ANKFN1: variants seen among roughly 807,000 people sequenced by gnomAD.
ANKFN1 encodes ankyrin repeat and fibronectin type-III domain-containing protein 1.
ANKFN1 carries 74 observed loss-of-function variants against 108.7 expected under a neutral mutation model. That is an observed-to-expected ratio of 0.68 (90% CI 0.56 to 0.83). ANKFN1 has a LOEUF of 0.83. Among genes scored for constraint, ANKFN1 ranks in the 40% least tolerant of loss-of-function variants. The probability of loss-of-function intolerance (pLI) is 0.00; values close to 1 mark genes in which losing one functional copy is unlikely to be tolerated. For synonymous variants in ANKFN1, 547 were observed against 516.2 expected, an observed-to-expected ratio of 1.06 and a Z score of -0.81; for missense variants, 1,505 against 1,382.3, an observed-to-expected ratio of 1.09 and a Z score of -1.41.
intron 6 of ANKFN1, among the ~76,000 whole-genome samples, chr17:56,369,250 A>G (rs1384861689): frequency 6.6e-6 from 1 of 152,212 alleles, no homozygotes; most frequent in Non-Finnish European, 1.5e-5. Flanking sequence ...GGGTACAGGA[A>G]TGAACCTTCT....
chr17:56,202,872 A>C (rs1043811978), intron 1 of ANKFN1, among the ~76,000 whole-genome samples: 2 of 152,210 alleles, frequency 1.3e-5, no homozygotes, highest in African/African-American at 4.8e-5. Context: ...AAAAATCAAA[A>C]CTGTATTTAT....
chr17:56,162,670 C>G (rs908429207), intron 1 of ANKFN1, among the ~76,000 whole-genome samples: 2 of 152,232 alleles, frequency 1.3e-5, no homozygotes, highest in African/African-American at 4.8e-5. Flanking sequence ...GCTGTAACTG[C>G]ATGTTGTAAA....
At chr17:56,158,290 A>C (rs750195796) in intron 1 of ANKFN1, among the ~76,000 whole-genome samples, 10 of 152,186 alleles carry the variant, frequency 6.6e-5, no homozygotes, top group Non-Finnish European at 1.2e-4. Context: ...GTGGCATGAC[A>C]ATCCAGTTCC....
chr17:56,290,874 T>C (rs2044345037), intron 3 of ANKFN1, among the ~76,000 whole-genome samples: 1 of 152,028 alleles, frequency 6.6e-6, no homozygotes, highest in African/African-American at 2.4e-5. Flanking sequence ...CCTCCCCTCC[T>C]CTGAAAATTA....
intron 4 of ANKFN1, among the ~76,000 whole-genome samples, chr17:56,327,530 C>A (rs1348955456): frequency 6.6e-6 from 1 of 152,070 alleles, no homozygotes; most frequent in Admixed American, 6.5e-5. Context: ...TGAAGTTTTG[C>A]CTGGTGGAAA....
chr17:56,512,567 G>C lies in ANKFN1; in HGVS notation c.*1298G>C, dbSNP rs570484738. 6.6e-6 allele frequency among the ~76,000 whole-genome samples: 1 copy of C among 152,292 alleles called. No homozygotes were observed. The highest frequency in any genetic ancestry group is 2.1e-4 in the South Asian group (1 of 4,826). On this transcript the variant is annotated 3_prime_UTR_variant, in exon 21 of 21. Transcript: ENST00000682825. ...TTAGACAAATCACACTGCATATTCA[G>C]AAAAGGCACAAGTTTCCTCATCTCC...
chr17:56,174,607 C>T (rs1910961486), intron 1 of ANKFN1, among the ~76,000 whole-genome samples: 1 of 152,142 alleles, frequency 6.6e-6, no homozygotes. Context: ...GCTAAGGGTC[C>T]TATAATTAGA....
At chr17:56,329,652 G>C (rs574389884) in intron 4 of ANKFN1, among the ~76,000 whole-genome samples, 1 of 152,280 alleles carries the variant, frequency 6.6e-6, no homozygotes, top group East Asian at 1.9e-4. Flanking sequence ...GTAAAATGGA[G>C]ATAATAATAG....
chr17:56,192,079 C>T (rs1912992749), intron 1 of ANKFN1, among the ~76,000 whole-genome samples: 1 of 152,056 alleles, frequency 6.6e-6, no homozygotes. Context: ...CAGAACAGAG[C>T]CCTCAGAAAT....
chr17:56,478,724 GAA>G (rs143829540), intron 16 of ANKFN1, among the ~76,000 whole-genome samples: 4 of 145,696 alleles, frequency 2.7e-5, no homozygotes, highest in Non-Finnish European at 6.1e-5. Flanking sequence ...GAATAGACAA[GAA>G]AAAAAAAAGA....
chr17:56,324,830 T>C (rs2045471112), intron 3 of ANKFN1, among the ~76,000 whole-genome samples: 1 of 152,220 alleles, frequency 6.6e-6, no homozygotes, highest in Admixed American at 6.5e-5. Flanking sequence ...AAGACAATTG[T>C]TAAAAGCTAA....
intron 4 of ANKFN1, among the ~76,000 whole-genome samples, chr17:56,048,533 T>C (rs1313571965): frequency 1.3e-5 from 2 of 152,206 alleles, no homozygotes; most frequent in African/African-American, 4.8e-5. Context: ...GCCCCCTTTT[T>C]TAAAACTTGC....
intron 5 of ANKFN1, among the ~76,000 whole-genome samples, chr17:56,353,104 A>T (rs2046287169): frequency 6.6e-6 from 1 of 152,216 alleles, no homozygotes; most frequent in South Asian, 2.1e-4. Flanking sequence ...AAGCAAATGC[A>T]ATAAAATACA....
chr17:56,231,111 C>T (rs1598278022), intron 3 of ANKFN1, among the ~76,000 whole-genome samples: 2 of 152,108 alleles, frequency 1.3e-5, no homozygotes, highest in Non-Finnish European at 2.9e-5. Flanking sequence ...CTTCTTGCCT[C>T]TCCACTGAGC....
chr17:56,469,868 T>G (rs1490039710), intron 15 of ANKFN1, among the ~76,000 whole-genome samples: 2 of 152,066 alleles, frequency 1.3e-5, no homozygotes, highest in East Asian at 3.9e-4. Context: ...GGTGATCTGC[T>G]GCACCTATCA....
At chr17:56,244,008 G>T (rs990610809) in intron 3 of ANKFN1, among the ~76,000 whole-genome samples, 2 of 152,070 alleles carry the variant, frequency 1.3e-5, no homozygotes, top group African/African-American at 4.8e-5. Flanking sequence ...ACTATCAGGG[G>T]TGGGGAGTGG....
At chr17:56,115,167 G>A (rs1443139867) in intron 4 of ANKFN1, among the ~76,000 whole-genome samples, 8 of 152,196 alleles carry the variant, frequency 5.3e-5, no homozygotes, top group African/African-American at 1.9e-4. Context: ...AATATATTGT[G>A]CCATTTGTCT....
intron 6 of ANKFN1, among the ~76,000 whole-genome samples, chr17:56,372,144 A>G (rs1442294997): frequency 5.9e-5 from 9 of 152,258 alleles, no homozygotes; most frequent in African/African-American, 2.2e-4. Flanking sequence ...AATGTCTATA[A>G]GCTGGGAAGA....
intron 20 of ANKFN1, among the ~76,000 whole-genome samples, chr17:56,506,506 C>G (rs564688965): frequency 1.3e-5 from 2 of 152,122 alleles, no homozygotes; most frequent in East Asian, 3.9e-4. Context: ...TATTCTCCCC[C>G]TAGAACCTCC....
Sources: gnomAD v4.1 joint callset for allele counts (sites outside exome capture counted in the v4.1 genomes callset) on GRCh38, gnomAD v4.1.1 for gene constraint, MANE v1.5 for transcripts, NCBI Gene and HGNC (gene_info 2026-07-23, HGNC 2026-07-21) for gene names.